The following LRMDA variants were observed in gnomAD, a reference collection of about 807,000 sequenced individuals.
The protein encoded by LRMDA is leucine-rich melanocyte differentiation-associated protein.
LRMDA carries 18 observed loss-of-function variants against 29.8 expected under a neutral mutation model. The observed-to-expected ratio is 0.60, with a 90% confidence interval of 0.42 to 0.90. LRMDA has a LOEUF of 0.90. LRMDA is among the 40% of genes least tolerant of loss of function. The probability of loss-of-function intolerance (pLI) is 0.00; values close to 1 mark genes in which losing one functional copy is unlikely to be tolerated. For synonymous variants in LRMDA, 125 were observed against 109.4 expected (o/e 1.14, Z -0.89); for missense variants, 273 against 273.9 (o/e 1.00, Z 0.02).
intron 2 of LRMDA, among the ~76,000 whole-genome samples, chr10:75,758,813 T>A (rs1482088296): frequency 6.6e-6 from 1 of 152,204 alleles, no homozygotes; most frequent in East Asian, 1.9e-4. Flanking sequence ...AAAATTCTGT[T>A]TTAATTTCTG....
chr10:75,699,098 G>A (rs2132168025), intron 2 of LRMDA, among the ~76,000 whole-genome samples: 1 of 152,094 alleles, frequency 6.6e-6, no homozygotes, highest in African/African-American at 2.4e-5. Context: ...CTACTCGGGA[G>A]GTGGAGGTAG....
intron 2 of LRMDA, among the ~76,000 whole-genome samples, chr10:75,440,215 A>G (rs1479195650): frequency 6.9e-6 from 1 of 145,746 alleles, no homozygotes; most frequent in Non-Finnish European, 1.5e-5. Context: ...TATTGTAGGA[A>G]ATGACACATA....
intron 6 of LRMDA, among the ~76,000 whole-genome samples, chr10:76,421,554 C>T (rs769747105): frequency 1.1e-4 from 16 of 152,066 alleles, no homozygotes; most frequent in African/African-American, 3.6e-4. Context: ...GTGACACAGC[C>T]GCCCTTTTTC....
intron 6 of LRMDA, among the ~76,000 whole-genome samples, chr10:76,365,242 C>A (rs1037285402): frequency 6.6e-5 from 10 of 151,596 alleles, no homozygotes; most frequent in African/African-American, 2.2e-4. Flanking sequence ...ATAATGACTT[C>A]TTTTCCTGTG....
At chr10:76,098,164 C>T (rs186451456) in intron 5 of LRMDA, among the ~76,000 whole-genome samples, 13 of 152,108 alleles carry the variant, frequency 8.5e-5, no homozygotes, top group East Asian at 3.9e-4. Flanking sequence ...GTGTGTAATA[C>T]GTTATACAAT....
chr10:75,729,290 A>C (rs952972736), intron 2 of LRMDA, among the ~76,000 whole-genome samples: 2 of 152,232 alleles, frequency 1.3e-5, no homozygotes, highest in Admixed American at 6.5e-5. Context: ...CTATGTGTCC[A>C]CTGAAATCTG....
At chr10:76,253,858 T>C (rs1411022890) in intron 5 of LRMDA, among the ~76,000 whole-genome samples, 2 of 152,174 alleles carry the variant, frequency 1.3e-5, no homozygotes, top group African/African-American at 4.8e-5. Context: ...CTATGTCTCA[T>C]AAGCTCTCTA....
In LRMDA at chr10:76,171,599, G is replaced by A. The variant is rs563696879; in HGVS notation, c.516+112816G>A. Among the ~76,000 whole-genome samples the A allele has an allele frequency of 5.3e-5, 8 of 152,322 alleles. 1 individual carries two copies. In the South Asian group the frequency reaches 1.7e-3, roughly 32 times the overall value. ...CCTTTAGTTGCATACTGGTCAGTAA[G>A]TGGAAAAAGGGAAGGGGGAGGATTT... On this transcript the variant is annotated intron_variant, in intron 5 of 6. Coordinates refer to ENST00000611255, the MANE Select transcript of LRMDA (RefSeq NM_001305581.2).
At chr10:76,238,797 CTT>C (rs10717351) in intron 5 of LRMDA, among the ~76,000 whole-genome samples, 5 of 148,760 alleles carry the variant, frequency 3.4e-5, no homozygotes, top group African/African-American at 9.8e-5. Context: ...AAAGTTGTTT[CTT>C]TTTTTTTTTA....
intron 5 of LRMDA, among the ~76,000 whole-genome samples, chr10:76,081,103 T>C (rs1055986157): frequency 2.0e-5 from 3 of 152,244 alleles, no homozygotes; most frequent in African/African-American, 7.2e-5. Context: ...CCTTTATGTT[T>C]CCCAGTGCAT....
chr10:76,153,642 A>G (rs960098490), intron 5 of LRMDA, among the ~76,000 whole-genome samples: 1 of 152,228 alleles, frequency 6.6e-6, no homozygotes, highest in South Asian at 2.1e-4. Flanking sequence ...TTTAAATGTA[A>G]TATTTATCAG....
intron 5 of LRMDA, among the ~76,000 whole-genome samples, chr10:76,064,480 C>T (rs962364733): frequency 6.6e-6 from 1 of 152,138 alleles, no homozygotes; most frequent in Non-Finnish European, 1.5e-5. Flanking sequence ...TGAAATTTTC[C>T]GTCTTCGCCG....
At chr10:75,923,770 A>G (rs1167052871) in intron 2 of LRMDA, among the ~76,000 whole-genome samples, 7 of 152,128 alleles carry the variant, frequency 4.6e-5, no homozygotes, top group Non-Finnish European at 7.3e-5. Context: ...TCTGTGTGTG[A>G]CACCCTTCAG....
chr10:76,372,484 G>A lies in LRMDA; in HGVS notation c.601+47999G>A, dbSNP rs185848325. The stretch of plus-strand genomic sequence containing the variant: ...AAAAATTAGCCAGGCATGGTGGCAG[G>A]TGCCTGAAATACCAGCTACTTGGGA... On this transcript the variant is annotated intron_variant, in intron 6 of 6. Transcript: ENST00000611255. Among the ~76,000 whole-genome samples the A allele has an allele frequency of 6.4e-3, 978 of 152,022 alleles. 19 individuals carry two copies. Among genetic ancestry groups the A allele is most frequent in the African/African-American group, 0.021 (889 of 41,476 alleles).
chr10:75,986,066 T>G (rs929687575), intron 2 of LRMDA, among the ~76,000 whole-genome samples: 3 of 152,226 alleles, frequency 2.0e-5, no homozygotes, highest in Non-Finnish European at 2.9e-5. Context: ...TGTGGTTGTT[T>G]GGGCCTATGG....
chr10:75,641,450 GTTT>G (rs1841452116), intron 2 of LRMDA, among the ~76,000 whole-genome samples: 1 of 150,816 alleles, frequency 6.6e-6, no homozygotes, highest in Admixed American at 6.6e-5. Context: ...TATAGTTTTG[GTTT>G]TTATTTTTAA....
At chr10:75,907,485 A>C (rs1010982199) in intron 2 of LRMDA, among the ~76,000 whole-genome samples, 5 of 152,180 alleles carry the variant, frequency 3.3e-5, no homozygotes, top group African/African-American at 1.2e-4. Context: ...CATGTTATTG[A>C]GATGGTCACT....
At chr10:75,959,201 C>T (rs780234858) in intron 2 of LRMDA, among the ~76,000 whole-genome samples, 12 of 152,124 alleles carry the variant, frequency 7.9e-5, no homozygotes, top group African/African-American at 1.4e-4. Context: ...AAGGTCCTCC[C>T]GCCCCATTTC....
chr10:75,616,806 A>G (rs963237654), intron 2 of LRMDA, among the ~76,000 whole-genome samples: 1 of 152,238 alleles, frequency 6.6e-6, no homozygotes, highest in Non-Finnish European at 1.5e-5. Context: ...CTAAGACTCC[A>G]TAGAGCACTT....
Sources: allele counts gnomAD v4.1 joint callset (sites outside exome capture counted in the v4.1 genomes callset), GRCh38; gene constraint gnomAD v4.1.1; transcripts MANE v1.5; gene names NCBI Gene and HGNC (gene_info 2026-07-23, HGNC 2026-07-21).